Variants in ST7 observed in about 807,000 individuals in gnomAD.
ST7 encodes suppressor of tumorigenicity 7 protein.
In ST7, 28 loss-of-function variants were observed where a neutral mutation model predicts 78.7. The observed-to-expected ratio is 0.36, with a 90% CI of 0.26 to 0.49. ST7 has a LOEUF of 0.49. Ranked by LOEUF, ST7 falls within the 20% of genes least tolerant of loss-of-function variation. The pLI, the probability that ST7 is intolerant of heterozygous loss-of-function variation, is 0.99. For synonymous variants in ST7, 247 were observed against 249.6 expected (o/e 0.99, Z 0.10); for missense variants, 418 against 696.0 (o/e 0.60, Z 4.49).
At chr7:117,065,169 T>G (rs1798563572) in intron 1 of ST7, among the ~76,000 whole-genome samples, 1 of 150,102 alleles carries the variant, frequency 6.7e-6, no homozygotes, top group African/African-American at 2.4e-5. Context: ...AAGTTATGAA[T>G]AAAACTAGGA....
At chr7:117,145,489 G>C (rs1805696517) in intron 9 of ST7, 1 of 152,154 alleles carries the variant, frequency 6.6e-6, no homozygotes, top group Admixed American at 6.5e-5. Flanking sequence ...GCCTCTTCCA[G>C]CTTCTGGTGT....
At chr7:117,006,460 A>G (rs1795161970) in intron 1 of ST7, among the ~76,000 whole-genome samples, 1 of 152,262 alleles carries the variant, frequency 6.6e-6, no homozygotes, top group African/African-American at 2.4e-5. Flanking sequence ...ATGTAACAGC[A>G]CAATGTTTAT....
intron 14 of ST7, among the ~76,000 whole-genome samples, chr7:117,220,244 G>A (rs1792988965): frequency 6.6e-6 from 1 of 152,198 alleles, no homozygotes; most frequent in Non-Finnish European, 1.5e-5. Context: ...TGAGGTAGCA[G>A]GAGTTGCTCA....
chr7:116,959,482 T>A (rs1265211731), intron 1 of ST7: 1 of 297,792 alleles, frequency 3.4e-6, no homozygotes, highest in Non-Finnish European at 6.5e-6. Context: ...ACAAAGTAGG[T>A]CCTTATCATT....
At chr7:117,027,354 C>T (rs1166764625) in intron 1 of ST7, among the ~76,000 whole-genome samples, 1 of 152,018 alleles carries the variant, frequency 6.6e-6, no homozygotes, top group Non-Finnish European at 1.5e-5. Flanking sequence ...GAAGGAGAAT[C>T]GCTTGAACCC....
chr7:117,059,448 G>T (rs1202702053), intron 1 of ST7, among the ~76,000 whole-genome samples: 1 of 152,268 alleles, frequency 6.6e-6, no homozygotes, highest in Middle Eastern at 3.4e-3. Context: ...TGATATGCTA[G>T]AATGGACAGA....
chr7:117,016,182 C>T (rs1189313722), intron 1 of ST7, among the ~76,000 whole-genome samples: 3 of 152,068 alleles, frequency 2.0e-5, no homozygotes, highest in African/African-American at 7.2e-5. Flanking sequence ...AGCAAGTATA[C>T]CTGTATCTGT....
intron 1 of ST7, among the ~76,000 whole-genome samples, chr7:117,063,573 G>A (rs1798469558): frequency 6.6e-6 from 1 of 152,120 alleles, no homozygotes; most frequent in South Asian, 2.1e-4. Context: ...GCTGGGTGTG[G>A]TGGCATGCAC....
intron 1 of ST7, among the ~76,000 whole-genome samples, chr7:116,971,754 C>A (rs1032804954): frequency 6.6e-6 from 1 of 151,952 alleles, no homozygotes; most frequent in African/African-American, 2.4e-5. Flanking sequence ...ATGGAGCGGG[C>A]AATATGCATT....
Position 117,170,942 on chromosome 7 carries a change from T to C in ST7, c.1044T>C (p.Tyr348=), listed in dbSNP as rs1807940724. The C allele has an allele frequency of 2.5e-6, 4 of 1,612,058 alleles. No homozygotes were observed. Among genetic ancestry groups the C allele is most frequent in the Non-Finnish European group, 3.4e-6 (4 of 1,178,864 alleles). ...AAGCCCTTCTGGAACTACAAGCATA[T>C]GCTGATGTTCAGGCAGTCTTAGCAA... ...LLEALLELQA[Y]ADVQAVLAKY... is the part of the protein sequence containing the mutation. Residue 348 remains tyrosine (Y), a synonymous_variant, in exon 10 of 16, where the codon TAT becomes TAC. Transcript: ENST00000323984.
intron 1 of ST7, among the ~76,000 whole-genome samples, chr7:116,960,847 T>A (rs1416124450): frequency 6.6e-6 from 1 of 152,212 alleles, no homozygotes; most frequent in Non-Finnish European, 1.5e-5. Context: ...CAATTTTTGC[T>A]TTTATTGTAG....
chr7:117,229,456 A>T (rs755838461), intron 15 of ST7, among the ~76,000 whole-genome samples: 1 of 152,364 alleles, frequency 6.6e-6, no homozygotes, highest in South Asian at 2.1e-4. Context: ...GACACCAGTC[A>T]TCTGCATGGC....
At position 117,047,819 on chromosome 7, in the gene ST7, A is replaced by G. The variant is rs546608691; in HGVS notation, c.152-51943A>G. 6.6e-5 allele frequency among the ~76,000 whole-genome samples: 10 copies of G among 152,308 alleles called. No homozygotes were observed. The South Asian group carries it at 2.1e-3, about 32-fold the overall frequency. On this transcript the variant is annotated intron_variant, in intron 1 of 15. Transcript: ENST00000323984. ...ATGCAGAAGTAAACAATGACTTCAG[A>G]AATCAGCTTGGAAGTCAGGGATTTA...
intron 1 of ST7, among the ~76,000 whole-genome samples, chr7:117,057,795 G>C (rs1001908450): frequency 6.6e-6 from 1 of 152,158 alleles, no homozygotes; most frequent in Admixed American, 6.5e-5. Flanking sequence ...TGTAGTATAT[G>C]AACATGGGCC....
rs3901983 is a variant in ST7 at position 117,085,990 on chromosome 7, T to C, written c.152-13772T>C. ...ATAGAATTTTAAGCCTAGCTAGTAA[T>C]CAAATAACCAAACTTCCCTCCTCTC... On this transcript the variant is annotated intron_variant, in intron 1 of 15. Coordinates refer to ENST00000323984, the MANE Select transcript of ST7 (RefSeq NM_001369598.1). Among the ~76,000 whole-genome samples, 122 of 152,136 alleles carry C rather than the reference T, an allele frequency of 8.0e-4. 1 individual carries two copies. Among genetic ancestry groups the C allele is most frequent in the Middle Eastern group, 3.4e-3 (1 of 294 alleles).
At chr7:117,112,812 A>G (rs984763063) in intron 2 of ST7, 1 of 152,236 alleles carries the variant, frequency 6.6e-6, no homozygotes, top group Non-Finnish European at 1.5e-5. Flanking sequence ...AATGAGAGAG[A>G]TGCTGTGAGG....
At chr7:117,076,941 C>T (rs1021889714) in intron 1 of ST7, among the ~76,000 whole-genome samples, 2 of 152,152 alleles carry the variant, frequency 1.3e-5, no homozygotes, top group African/African-American at 4.8e-5. Flanking sequence ...GTCTGGCACC[C>T]AGGAGAAACA....
chr7:116,971,294 A>G (rs1256148531), intron 1 of ST7, among the ~76,000 whole-genome samples: 1 of 152,250 alleles, frequency 6.6e-6, no homozygotes, highest in Non-Finnish European at 1.5e-5. Context: ...TGGCACTTTT[A>G]GAGACAGCAG....
chr7:117,083,693 T>G (rs1285501176), intron 1 of ST7, among the ~76,000 whole-genome samples: 1 of 152,244 alleles, frequency 6.6e-6, no homozygotes, highest in Non-Finnish European at 1.5e-5. Context: ...ATATATATTT[T>G]ATATGATTAT....
Sources: allele counts gnomAD v4.1 joint callset (sites outside exome capture counted in the v4.1 genomes callset), GRCh38; gene constraint gnomAD v4.1.1; transcripts MANE v1.5; gene names NCBI Gene and HGNC (gene_info 2026-07-23, HGNC 2026-07-21).